Variants in RNF103 observed in about 807,000 individuals in gnomAD.
The protein encoded by RNF103 is E3 ubiquitin-protein ligase RNF103.
Under a neutral mutation model 66.2 loss-of-function variants are expected in RNF103, and 23 were observed. The observed-to-expected ratio is 0.35, with a 90% CI of 0.25 to 0.49. The LOEUF (loss-of-function observed/expected upper bound fraction) is 0.49, where lower values mean the gene tolerates loss of function less well. RNF103 is among the 20% of genes least tolerant of loss of function. The pLI, the probability that RNF103 is intolerant of heterozygous loss-of-function variation, is 0.98. For missense variants in RNF103, 730 were observed against 814.7 expected (o/e 0.90, Z 1.27); for synonymous variants, 297 against 289.9 (o/e 1.02, Z -0.25).
Position 86,604,820 on chromosome 2 carries a change from C to T in RNF103, c.1081G>A (p.Gly361Arg). ...KRFVVLISTL[G>R]TYNSLLIISW... ...ATAATTAATAGAGAATTATATGTCCCTAAAGTGCTTATGAGAACCACAAAT... is the reference window on the plus strand; with the variant it reads ...ATAATTAATAGAGAATTATATGTCCTTAAAGTGCTTATGAGAACCACAAAT... Residue 361 changes from glycine (G) to arginine (R), a missense_variant, in exon 4 of 4, where the codon GGG (glycine) becomes AGG (arginine). Around this residue, in one of 3 missense-constraint regions of RNF103, gnomAD observed 48 missense variants for 93.0 expected, o/e 0.52. Transcript: ENST00000237455. 1 of 1,614,058 alleles carries T rather than the reference C, an allele frequency of 6.2e-7. No individual in the cohort carries two copies. The highest frequency in any genetic ancestry group is 2.2e-5 in the East Asian group (1 of 44,872).
chr2:86,623,826 CGT>C lies in RNF103; in HGVS notation c.-942_-941del. On this transcript the variant is annotated 5_prime_UTR_variant, in exon 1 of 4. An upstream open reading frame in the 5' UTR loses its in-frame stop. Transcript: ENST00000237455. Reference sequence around the variant, plus strand: ...AGACCGCGGCCGTACCCTCCACAACCGTGTATCAGCGGCGGCCGCGGCCGGAG... The same window carrying C: ...AGACCGCGGCCGTACCCTCCACAACCGTATCAGCGGCGGCCGCGGCCGGAG... 7.8e-7 allele frequency: 1 copy of C among 1,288,126 alleles called. No individual in the cohort carries two copies. Among genetic ancestry groups the C allele is most frequent in the Non-Finnish European group, 1.0e-6 (1 of 988,396 alleles). 79.8% of individuals were successfully genotyped at this position (1,288,126 alleles called of 1,614,324 possible).
Position 86,612,265 on chromosome 2 carries a change from T to C in RNF103, c.376A>G (p.Asn126Asp). ...DGIWLVQVIA[N>D]DRSPLVGKIH... ...TTGCCCACCAAGGGACTTCTGTCAT[T>C]TGCTATGACCTATTCCCAAAAATAG... Residue 126 changes from asparagine (N) to aspartate (D), a missense_variant, in exon 3 of 4, where the codon AAT (asparagine) becomes GAT (aspartate). This residue lies in a region of RNF103 where 327 missense variants were observed against 369.8 expected (regional missense o/e 0.88). Transcript: ENST00000237455. The C allele has an allele frequency of 6.2e-7, 1 of 1,609,286 alleles. No homozygotes were observed. The highest frequency in any genetic ancestry group is 1.7e-5 in the Admixed American group (1 of 59,776).
chr2:86,620,321 T>C lies in RNF103; in HGVS notation c.366+9A>G. ...TCTCGAATTATCAAATTATTACTGC[T>C]TTTCATACCTGAACCAGCCAGATGC... On this transcript the variant is annotated intron_variant, in intron 2 of 3. Transcript: ENST00000237455. The C allele has an allele frequency of 1.9e-6, 3 of 1,584,366 alleles. No homozygotes were observed. Among genetic ancestry groups the C allele is most frequent in the Non-Finnish European group, 2.6e-6 (3 of 1,161,114 alleles).
At chr2:86,608,648 G>C (rs1290442084) in intron 3 of RNF103, among the ~76,000 whole-genome samples, 2 of 151,560 alleles carry the variant, frequency 1.3e-5, no homozygotes, top group African/African-American at 4.9e-5. Flanking sequence ...TTTTTCCACA[G>C]GCCACCATCC....
At chr2:86,611,048 T>C (rs1258450530) in intron 3 of RNF103, among the ~76,000 whole-genome samples, 1 of 151,124 alleles carries the variant, frequency 6.6e-6, no homozygotes, top group African/African-American at 2.4e-5. Flanking sequence ...TGGTGATGCA[T>C]GCATGTAGTC....
intron 2 of RNF103, chr2:86,615,385 C>T: frequency 9.5e-6 from 3 of 314,412 alleles, no homozygotes; most frequent in Non-Finnish European, 1.4e-5. Context: ...GAAGGTTTAG[C>T]ATAAATTAAA....
chr2:86,617,374 G>T, intron 2 of RNF103: 1 of 837,204 alleles, frequency 1.2e-6, no homozygotes, highest in Non-Finnish European at 1.4e-6. Flanking sequence ...ACTGCAGTCC[G>T]AAAATACTAC....
At chr2:86,620,501 G>A in intron 1 of RNF103, 32 bp from the exon 2 acceptor site, 2 of 1,502,908 alleles carry the variant, frequency 1.3e-6, no homozygotes, top group Non-Finnish European at 9.0e-7. Flanking sequence ...CACTAATAAG[G>A]TTGCAAGAAT....
At chr2:86,615,520 TTA>T (rs4019180) in intron 2 of RNF103, among the ~76,000 whole-genome samples, 87 of 142,276 alleles carry the variant, frequency 6.1e-4, no homozygotes, top group African/African-American at 1.9e-3. Context: ...TACATATGCC[TTA>T]TATATATATA....
chr2:86,610,469 G>A (rs909193556), intron 3 of RNF103, among the ~76,000 whole-genome samples: 2 of 152,150 alleles, frequency 1.3e-5, no homozygotes, highest in African/African-American at 4.8e-5. Context: ...ATTATGGTTT[G>A]TCTGCCCCCA....
intron 2 of RNF103, among the ~76,000 whole-genome samples, chr2:86,619,877 AG>A (rs1239214759): frequency 6.6e-6 from 1 of 152,202 alleles, no homozygotes; most frequent in South Asian, 2.1e-4. Flanking sequence ...GCTCCTCTAT[AG>A]TCACAAAGTT....
At chr2:86,613,558 G>A (rs1430699124) in intron 2 of RNF103, 2 of 151,848 alleles carry the variant, frequency 1.3e-5, no homozygotes, top group Non-Finnish European at 2.9e-5. Flanking sequence ...TAATACTCTG[G>A]GGGCCTCTAC....
chr2:86,619,567 C>G (rs112382556), intron 2 of RNF103, among the ~76,000 whole-genome samples: 187 of 152,272 alleles, frequency 1.2e-3, no homozygotes, highest in Middle Eastern at 6.8e-3. Context: ...CTTGATATGT[C>G]ACTTTGAATG....
chr2:86,611,044 T>A (rs974052942), intron 3 of RNF103, among the ~76,000 whole-genome samples: 1 of 150,776 alleles, frequency 6.6e-6, no homozygotes, highest in African/African-American at 2.4e-5. Flanking sequence ...GGTGTGGTGA[T>A]GCATGCATGT....
intron 3 of RNF103, among the ~76,000 whole-genome samples, chr2:86,607,927 G>T (rs1483836201): frequency 6.6e-6 from 1 of 152,114 alleles, no homozygotes; most frequent in Non-Finnish European, 1.5e-5. Flanking sequence ...CATATTATGT[G>T]CTTTCTTTTC....
In RNF103 at chr2:86,603,683, A is replaced by C. The variant is rs1319823732; in HGVS notation, c.*160T>G. ...TAGGTATGCATTCAATTAACACACAAGGCAACCAAATAAATTCTGTCATCA... is the reference window on the plus strand; with the variant it reads ...TAGGTATGCATTCAATTAACACACACGGCAACCAAATAAATTCTGTCATCA... On this transcript the variant is annotated 3_prime_UTR_variant, in exon 4 of 4. Coordinates refer to ENST00000237455, the MANE Select transcript of RNF103 (RefSeq NM_005667.4). 9.3e-6 allele frequency: 10 copies of C among 1,077,452 alleles called. No individual in the cohort carries two copies. Among genetic ancestry groups the C allele is most frequent in the Non-Finnish European group, 3.9e-6 (3 of 777,790 alleles). 66.7% of individuals were successfully genotyped at this position (1,077,452 alleles called of 1,614,324 possible).
rs1191221975 is a variant in RNF103, at chr2:86,603,775, A to G, written c.*68T>C. On this transcript the variant is annotated 3_prime_UTR_variant, in exon 4 of 4. Transcript: ENST00000237455. Reference sequence around the variant, plus strand: ...AAACTAAACTTCAAACCACAAAAACATTGTGACTAACATTAAAAAGGCAAG... The same window carrying G: ...AAACTAAACTTCAAACCACAAAAACGTTGTGACTAACATTAAAAAGGCAAG... 10 of 1,528,646 alleles carry G rather than the reference A, an allele frequency of 6.5e-6. No homozygotes were observed. The highest frequency in any genetic ancestry group is 8.8e-6 in the Non-Finnish European group (10 of 1,140,558). 94.7% of individuals were successfully genotyped at this position (1,528,646 alleles called of 1,614,324 possible). A position where few individuals can be genotyped will look rare whatever the true frequency, so the allele number is the denominator to read the frequency against.
rs765348189 is a variant in RNF103, at chr2:86,622,911, CA to C, written c.-26del. ...TCTTCCCTGGAGTTTCCTCTCTTTC[CA>C]GAGAGCTCGGAATACGGGAGAGAGA... On this transcript the variant is annotated 5_prime_UTR_variant, in exon 1 of 4. Transcript: ENST00000237455. The C allele has an allele frequency of 2.6e-6, 4 of 1,564,782 alleles. No individual in the cohort carries two copies. In the Admixed American group the frequency reaches 7.7e-5, roughly 30 times the overall value.
Position 86,623,810 on chromosome 2 carries a change from C to A in RNF103, c.-924G>T, listed in dbSNP as rs530851577. The A allele has an allele frequency of 5.4e-6, 7 of 1,284,948 alleles. No individual in the cohort carries two copies. The South Asian group carries it at 8.7e-5, about 16-fold the overall frequency. The allele number at this position is 1,284,948 out of a possible 1,614,324, so 79.6% of individuals were successfully genotyped here. A position where few individuals can be genotyped will look rare whatever the true frequency, so the allele number is the denominator to read the frequency against. On this transcript the variant is annotated 5_prime_UTR_variant, in exon 1 of 4. Coordinates refer to ENST00000237455, the MANE Select transcript of RNF103 (RefSeq NM_005667.4). The stretch of plus-strand genomic sequence containing the variant: ...CCCCCGCCACCTCCGGAGACCGCGG[C>A]CGTACCCTCCACAACCGTGTATCAG...
Sources: gnomAD v4.1 joint callset for allele counts (sites outside exome capture counted in the v4.1 genomes callset) on GRCh38, gnomAD v4.1.1 for gene constraint, gnomAD v4.1.1 regional missense constraint, MANE v1.5 for transcripts, NCBI Gene and HGNC (gene_info 2026-07-23, HGNC 2026-07-21) for gene names.